The following TTC8 variants were observed in gnomAD, a reference collection of about 807,000 sequenced individuals.
TTC8 encodes tetratricopeptide repeat domain 8.
In TTC8, 47 loss-of-function variants were observed where a neutral mutation model predicts 72.5. That is an observed-to-expected ratio of 0.65 (90% CI 0.51 to 0.83). TTC8 has a LOEUF of 0.83. Among genes scored for constraint, TTC8 ranks in the 40% least tolerant of loss-of-function variants. The pLI, the probability that TTC8 is intolerant of heterozygous loss-of-function variation, is 0.00. For missense variants in TTC8, 611 were observed against 623.2 expected, an observed-to-expected ratio of 0.98 and a Z score of 0.21; for synonymous variants, 199 against 221.4, an observed-to-expected ratio of 0.90 and a Z score of 0.90.
At position 88,839,444 on chromosome 14, in the gene TTC8, G is replaced by A. The variant is rs2094769197; in HGVS notation, c.145-8G>A. The A allele has an allele frequency of 1.9e-6, 3 of 1,612,534 alleles. No individual in the cohort carries two copies. Among genetic ancestry groups the A allele is most frequent in the East Asian group, 2.2e-5 (1 of 44,684 alleles). On this transcript the variant is annotated splice_region_variant and splice_polypyrimidine_tract_variant and intron_variant, in intron 2 of 14. Transcript: ENST00000380656. ...TTAATATATGTTTTATTTATCCATG[G>A]GTTTTAGGCAGCTTGGATCTTAAAA...
intron 14 of TTC8, among the ~76,000 whole-genome samples, chr14:88,875,369 A>G (rs1237816037): frequency 1.3e-5 from 2 of 152,212 alleles, no homozygotes; most frequent in East Asian, 1.9e-4. Context: ...GCATTTAGTC[A>G]TTGAAGAAAT....
In TTC8 at chr14:88,871,474, A is replaced by AT. The variant is rs2094933584; in HGVS notation, c.1050-75_1050-74insT. Reference sequence around the variant, plus strand: ...AAGATGAATTCATTTTTAACTGTGTAAAATATATATATATATGTCTTAAAA... The same window carrying AT: ...AAGATGAATTCATTTTTAACTGTGTATAAATATATATATATATGTCTTAAAA... On this transcript the variant is annotated intron_variant, in intron 11 of 14. Transcript: ENST00000380656. This position sits in a 1 kb window ranked among gnomAD's most constrained non-coding sequence, Gnocchi z 4.1. 19 of 1,282,788 alleles carry AT rather than the reference A, an allele frequency of 1.5e-5. No homozygotes were observed. Among genetic ancestry groups the AT allele is most frequent in the Non-Finnish European group, 2.1e-5 (19 of 914,156 alleles). The allele number at this position is 1,282,788 out of a possible 1,614,324, so 79.5% of individuals were successfully genotyped here. A position where few individuals can be genotyped will look rare whatever the true frequency, so the allele number is the denominator to read the frequency against.
At chr14:88,833,670 A>G in intron 1 of TTC8, 23 bp from the exon 2 acceptor site, 1 of 1,611,996 alleles carries the variant, frequency 6.2e-7, no homozygotes, top group East Asian at 2.2e-5. Context: ...AAAACTGTTT[A>G]CTGCCTTCTT....
intron 6 of TTC8, among the ~76,000 whole-genome samples, chr14:88,841,945 G>A (rs1465562360): frequency 1.3e-5 from 2 of 152,050 alleles, no homozygotes; most frequent in African/African-American, 4.8e-5. Context: ...AATTTATCAG[G>A]CATCTCAAAA....
chr14:88,828,583 C>T (rs2094712149), intron 1 of TTC8, among the ~76,000 whole-genome samples: 1 of 152,192 alleles, frequency 6.6e-6, no homozygotes, highest in Non-Finnish European at 1.5e-5. Context: ...CAAATGGATT[C>T]ATTTTTGCTC....
intron 13 of TTC8, among the ~76,000 whole-genome samples, chr14:88,872,735 A>G (rs1229537628): frequency 6.6e-6 from 1 of 152,092 alleles, no homozygotes; most frequent in South Asian, 2.1e-4. Flanking sequence ...TCCCCTGTCT[A>G]CTACATAACT....
Position 88,839,572 on chromosome 14 carries a change from C to T in TTC8, c.265C>T (p.Arg89Cys), listed in dbSNP as rs747646200. 2.0e-5 allele frequency: 33 copies of T among 1,612,482 alleles called. No individual in the cohort carries two copies. The Middle Eastern group carries it at 9.9e-4, about 48-fold the overall frequency. The change falls in exon 3 of 15, where the codon CGC (arginine) becomes TGC (cysteine). Residue 89 changes from arginine (R) to cysteine (C), a missense_variant and splice_region_variant. Coordinates refer to ENST00000380656, the MANE Select transcript of TTC8 (RefSeq NM_144596.4). The stretch of plus-strand genomic sequence containing the variant: ...TGAAAATGCTATAGCTCAAGTTCCA[C>T]GTAAGTATTGGGTTTTCAGTTAAGT... ...LDENAIAQVPRPGTSLKLPGT... is the reference protein window; with the variant it reads ...LDENAIAQVPCPGTSLKLPGT...
rs746811611 is a variant in TTC8 at position 88,846,621 on chromosome 14, A to G, written c.624+2771A>G. On this transcript the variant is annotated intron_variant, in intron 7 of 14. Transcript: ENST00000380656. Reference sequence around the variant, plus strand: ...AGATTCATCTTGAAGATGTAGTTCTACATCTTGGAATTTACCCATTCTTAT... The same window carrying G: ...AGATTCATCTTGAAGATGTAGTTCTGCATCTTGGAATTTACCCATTCTTAT... 1.2e-5 allele frequency: 17 copies of G among 1,468,858 alleles called. No individual in the cohort carries two copies. The Admixed American group carries it at 1.8e-4, about 16-fold the overall frequency. The allele number at this position is 1,468,858 out of a possible 1,614,324, so 91.0% of individuals were successfully genotyped here.
chr14:88,874,723 T>C (rs1029536046), intron 13 of TTC8, among the ~76,000 whole-genome samples: 1 of 152,202 alleles, frequency 6.6e-6, no homozygotes. Context: ...TATTGAAATA[T>C]AACCTTTATG....
chr14:88,838,687 G>A (rs1334917731), intron 2 of TTC8, among the ~76,000 whole-genome samples: 1 of 152,128 alleles, frequency 6.6e-6, no homozygotes, highest in Non-Finnish European at 1.5e-5. Flanking sequence ...AAATTGAATG[G>A]TGTACATGTT....
intron 10 of TTC8, 122 bp from the exon 11 acceptor site, chr14:88,869,937 T>C: frequency 1.0e-6 from 1 of 980,862 alleles, no homozygotes; most frequent in Non-Finnish European, 1.6e-6. Context: ...TAGAATGGAG[T>C]CTGGCACATG....
downstream of TTC8, chr14:88,879,070 A>G (rs1454116523): frequency 6.6e-6 from 1 of 152,036 alleles, no homozygotes. Context: ...GTTGAATAAT[A>G]AGGGAATATT....
At position 88,871,810 on chromosome 14, in the gene TTC8, G is replaced by T. The variant is rs2141037231; in HGVS notation, c.1224+87G>T. ...CTCATGCCTATAATTCCAGCATTTT[G>T]GGAGGCTGAAGCAGGAGGATTGCTT... On this transcript the variant is annotated intron_variant, in intron 12 of 14. Transcript: ENST00000380656. This position sits in a 1 kb window ranked among gnomAD's most constrained non-coding sequence, Gnocchi z 4.1. 1 of 1,483,734 alleles carries T rather than the reference G, an allele frequency of 6.7e-7. No homozygotes were observed. Among genetic ancestry groups the T allele is most frequent in the Non-Finnish European group, 9.4e-7 (1 of 1,067,212 alleles). The allele number at this position is 1,483,734 out of a possible 1,614,324, so 91.9% of individuals were successfully genotyped here.
chr14:88,843,145 G>A (rs2094789883), intron 6 of TTC8, among the ~76,000 whole-genome samples: 2 of 152,044 alleles, frequency 1.3e-5, no homozygotes, highest in Admixed American at 1.3e-4. Context: ...GTGAAATATT[G>A]GAAATAATTG....
intron 8 of TTC8, 21 bp downstream of exon 8, chr14:88,853,077 A>G: frequency 6.3e-7 from 1 of 1,584,192 alleles, no homozygotes; most frequent in Non-Finnish European, 8.7e-7. Context: ...TTATTTGTGA[A>G]GGGCTTAGAA....
At chr14:88,833,123 A>G (rs1047164576) in intron 1 of TTC8, among the ~76,000 whole-genome samples, 1 of 152,234 alleles carries the variant, frequency 6.6e-6, no homozygotes, top group Non-Finnish European at 1.5e-5. Context: ...TACTTTCCCC[A>G]GTAAAACAGA....
chr14:88,847,545 T>C (rs1056904738), intron 7 of TTC8, among the ~76,000 whole-genome samples: 2 of 152,244 alleles, frequency 1.3e-5, no homozygotes, highest in African/African-American at 4.8e-5. Flanking sequence ...TTGACTCTTT[T>C]ATCTTTATGA....
chr14:88,824,670 C>T lies in TTC8; in HGVS notation c.-38C>T, dbSNP rs886050876. 18 of 1,529,162 alleles carry T rather than the reference C, an allele frequency of 1.2e-5. No individual in the cohort carries two copies. The highest frequency in any genetic ancestry group is 1.2e-5 in the South Asian group (1 of 85,144). 94.7% of individuals were successfully genotyped at this position (1,529,162 alleles called of 1,614,324 possible). A position where few individuals can be genotyped will look rare whatever the true frequency, so the allele number is the denominator to read the frequency against. ...CTCTTCACTCCACGCCCACCTCTCTCCTGGAGCGCTGGGCCTTCGCTGGCC... is the reference window on the plus strand; with the variant it reads ...CTCTTCACTCCACGCCCACCTCTCTTCTGGAGCGCTGGGCCTTCGCTGGCC... On this transcript the variant is annotated 5_prime_UTR_variant, in exon 1 of 15. Transcript: ENST00000380656.
chr14:88,872,948 G>T (rs1453336805), intron 13 of TTC8, among the ~76,000 whole-genome samples: 1 of 152,126 alleles, frequency 6.6e-6, no homozygotes, highest in African/African-American at 2.4e-5. Context: ...TACTATGAGA[G>T]CCTCCTAGCT....
Sources: allele counts gnomAD v4.1 joint callset (sites outside exome capture counted in the v4.1 genomes callset), GRCh38; gene constraint gnomAD v4.1.1; non-coding constraint Gnocchi (gnomAD v3.1); transcripts MANE v1.5; gene names NCBI Gene and HGNC (gene_info 2026-07-23, HGNC 2026-07-21).